RBFOX1: variants seen among roughly 807,000 people sequenced by gnomAD.
RBFOX1 encodes RNA binding protein fox-1 homolog 1.
RBFOX1 carries 8 observed loss-of-function variants against 57.7 expected under a neutral mutation model. That is an observed-to-expected ratio of 0.14 (90% confidence interval 0.08 to 0.25). The LOEUF is 0.25. RBFOX1 is among the 10% of genes least tolerant of loss of function. The probability of loss-of-function intolerance (pLI) is 1.00; values close to 1 mark genes in which losing one functional copy is unlikely to be tolerated. For synonymous variants in RBFOX1, 326 were observed against 222.4 expected, an observed-to-expected ratio of 1.47 and a Z score of -4.15; for missense variants, 611 against 548.5, an observed-to-expected ratio of 1.11 and a Z score of -1.14.
At chr16:6,700,021 C>G (rs902581563) in intron 3 of RBFOX1, among the ~76,000 whole-genome samples, 1 of 152,140 alleles carries the variant, frequency 6.6e-6, no homozygotes, top group African/African-American at 2.4e-5. Context: ...TCTTTTCCTT[C>G]TCTTACGATT....
chr16:6,830,665 C>G (rs1005252131), intron 3 of RBFOX1, among the ~76,000 whole-genome samples: 1 of 152,154 alleles, frequency 6.6e-6, no homozygotes, highest in African/African-American at 2.4e-5. Flanking sequence ...ACAAAGACTT[C>G]CCCAAGCCAA....
chr16:5,262,158 C>G (rs778187438), intron 1 of RBFOX1, among the ~76,000 whole-genome samples: 1 of 152,160 alleles, frequency 6.6e-6, no homozygotes, highest in East Asian at 1.9e-4. Flanking sequence ...AACATTTGAA[C>G]TAAGCCTTGA....
intron 2 of RBFOX1, among the ~76,000 whole-genome samples, chr16:5,574,425 C>T (rs117619496): frequency 5.7e-4 from 83 of 144,786 alleles, no homozygotes; most frequent in African/African-American, 1.8e-3. Flanking sequence ...ACTTTTTTTT[C>T]TTTTTTTTTT....
chr16:6,101,723 A>G (rs1345206470), intron 1 of RBFOX1, among the ~76,000 whole-genome samples: 1 of 152,278 alleles, frequency 6.6e-6, no homozygotes, highest in Admixed American at 6.5e-5. Context: ...GGAATTTGAG[A>G]CCAGCCTGGC....
chr16:6,104,864 T>G (rs1000897638), intron 1 of RBFOX1, among the ~76,000 whole-genome samples: 1 of 152,204 alleles, frequency 6.6e-6, no homozygotes, highest in Non-Finnish European at 1.5e-5. Flanking sequence ...GAGATTCCTG[T>G]TTATGAAATG....
At chr16:5,576,612 A>G (rs1239429476) in intron 2 of RBFOX1, among the ~76,000 whole-genome samples, 1 of 152,164 alleles carries the variant, frequency 6.6e-6, no homozygotes, top group Non-Finnish European at 1.5e-5. Flanking sequence ...GAACTAGGAG[A>G]AGTGCCAAAG....
intron 3 of RBFOX1, among the ~76,000 whole-genome samples, chr16:5,750,289 C>T (rs989810572): frequency 6.6e-6 from 1 of 152,232 alleles, no homozygotes; most frequent in Non-Finnish European, 1.5e-5. Flanking sequence ...GTGGGGGTGC[C>T]TCCCAGTTAG....
At chr16:7,670,492 C>T (rs1005615827) in intron 13 of RBFOX1, among the ~76,000 whole-genome samples, 9 of 151,826 alleles carry the variant, frequency 5.9e-5, no homozygotes, top group South Asian at 2.1e-4. Flanking sequence ...TTGAAAAGTA[C>T]GGTGAAAGAT....
At chr16:6,112,113 T>C (rs923762011) in intron 1 of RBFOX1, among the ~76,000 whole-genome samples, 8 of 152,170 alleles carry the variant, frequency 5.3e-5, no homozygotes, top group African/African-American at 1.9e-4. Flanking sequence ...CAATAACTGG[T>C]ATATTCCAGA....
intron 14 of RBFOX1, among the ~76,000 whole-genome samples, chr16:7,708,199 C>T (rs1451158079): frequency 5.9e-5 from 9 of 151,922 alleles, no homozygotes; most frequent in African/African-American, 2.2e-4. Flanking sequence ...CAAGATCTGC[C>T]CTGTCTAGTT....
chr16:5,653,936 CCTT>C (rs2049335541), intron 3 of RBFOX1, among the ~76,000 whole-genome samples: 1 of 152,192 alleles, frequency 6.6e-6, no homozygotes, highest in Non-Finnish European at 1.5e-5. Context: ...CGTCTATTCT[CCTT>C]CTCACTTTGT....
chr16:5,970,518 A>G (rs1567204876), intron 4 of RBFOX1, among the ~76,000 whole-genome samples: 1 of 152,164 alleles, frequency 6.6e-6, no homozygotes, highest in Admixed American at 6.5e-5. Context: ...CACGCTAATC[A>G]CATTTCCAGT....
intron 4 of RBFOX1, among the ~76,000 whole-genome samples, chr16:7,113,586 A>C (rs1446057948): frequency 6.6e-6 from 1 of 152,198 alleles, no homozygotes; most frequent in Non-Finnish European, 1.5e-5. Flanking sequence ...CCACATGATG[A>C]ATGTATGCAA....
intron 4 of RBFOX1, among the ~76,000 whole-genome samples, chr16:5,902,341 C>T (rs2058323999): frequency 6.6e-6 from 1 of 152,134 alleles, no homozygotes; most frequent in South Asian, 2.1e-4. Flanking sequence ...GAGTCTCATC[C>T]TCTGTTTTCC....
intron 1 of RBFOX1, among the ~76,000 whole-genome samples, chr16:6,063,464 G>GACACACAC (rs772720519): frequency 1.2e-3 from 105 of 86,488 alleles, no homozygotes; most frequent in Middle Eastern, 6.0e-3. Context: ...CTCTTTCTCC[G>GACACACAC]ACACACACAC....
chr16:5,949,281 C>G (rs1047765360), intron 4 of RBFOX1, among the ~76,000 whole-genome samples: 24 of 152,032 alleles, frequency 1.6e-4, no homozygotes, highest in African/African-American at 5.8e-4. Flanking sequence ...AGAATACAGG[C>G]TTTTGGAGGC....
At chr16:6,915,420 C>T (rs190717378) in intron 3 of RBFOX1, among the ~76,000 whole-genome samples, 148 of 152,256 alleles carry the variant, frequency 9.7e-4, no homozygotes, top group Admixed American at 2.2e-3. Flanking sequence ...AATAAATCCA[C>T]GTAGCCCGTT....
intron 3 of RBFOX1, among the ~76,000 whole-genome samples, chr16:6,950,272 C>G (rs988400931): frequency 6.6e-6 from 1 of 151,964 alleles, no homozygotes; most frequent in Non-Finnish European, 1.5e-5. Context: ...CATTCTTTGT[C>G]TTTGCAGAAC....
At chr16:6,274,421 A>G (rs2075571340) in intron 1 of RBFOX1, among the ~76,000 whole-genome samples, 1 of 152,220 alleles carries the variant, frequency 6.6e-6, no homozygotes, top group Non-Finnish European at 1.5e-5. Flanking sequence ...AGCCTGAATG[A>G]ATCTCCAGAA....
Sources: allele counts gnomAD v4.1 joint callset (sites outside exome capture counted in the v4.1 genomes callset), GRCh38; gene constraint gnomAD v4.1.1; transcripts MANE v1.5; gene names NCBI Gene and HGNC (gene_info 2026-07-23, HGNC 2026-07-21).